The following GABRB3 variants were observed in gnomAD, a reference collection of about 807,000 sequenced individuals.
GABRB3 encodes gamma-aminobutyric acid type A receptor subunit beta3.
GABRB3 carries 14 observed loss-of-function variants against 52.1 expected under a neutral mutation model. The observed-to-expected ratio is 0.27, with a 90% CI of 0.18 to 0.42. The LOEUF (loss-of-function observed/expected upper bound fraction) is 0.42. GABRB3 is among the 10% of genes least tolerant of loss of function. GABRB3 has a pLI of 1.00. For synonymous variants in GABRB3, 260 were observed against 232.3 expected (o/e 1.12, Z -1.08); for missense variants, 307 against 609.1 (o/e 0.50, Z 5.22).
chr15:26,734,327 G>A (rs562880771), intron 3 of GABRB3, among the ~76,000 whole-genome samples: 103 of 151,816 alleles, frequency 6.8e-4, no homozygotes, highest in African/African-American at 2.4e-3. Context: ...CACCATACCT[G>A]GACAAAACTA....
At chr15:26,620,097 G>A (rs1347695644) in intron 4 of GABRB3, among the ~76,000 whole-genome samples, 1 of 152,130 alleles carries the variant, frequency 6.6e-6, no homozygotes, top group African/African-American at 2.4e-5. Context: ...GCACTTATCA[G>A]AACCTGAACC....
chr15:26,620,780 G>C (rs1340238311), intron 4 of GABRB3, among the ~76,000 whole-genome samples: 1 of 136,586 alleles, frequency 7.3e-6, no homozygotes, highest in Admixed American at 7.4e-5. Flanking sequence ...AAGGCAGCCT[G>C]GTTTCCTGAT....
chr15:26,649,628 C>G (rs1887131172), intron 3 of GABRB3, among the ~76,000 whole-genome samples: 1 of 143,032 alleles, frequency 7.0e-6, no homozygotes, highest in Non-Finnish European at 1.5e-5. Context: ...ATGTGCTGAG[C>G]CCATAGAAGA....
intron 3 of GABRB3, among the ~76,000 whole-genome samples, chr15:26,752,089 T>C (rs944461696): frequency 3.9e-5 from 6 of 152,152 alleles, no homozygotes; most frequent in Non-Finnish European, 8.8e-5. Context: ...AGCCTCCTCA[T>C]GCACACCTTC....
chr15:26,695,276 A>G (rs1222895542), intron 3 of GABRB3, among the ~76,000 whole-genome samples: 2 of 152,188 alleles, frequency 1.3e-5, no homozygotes, highest in African/African-American at 4.8e-5. Flanking sequence ...GTCAGAAGGA[A>G]AAAACACGTT....
chr15:26,605,396 G>A (rs762973172), intron 4 of GABRB3, among the ~76,000 whole-genome samples: 23 of 152,124 alleles, frequency 1.5e-4, no homozygotes, highest in Non-Finnish European at 2.8e-4. Flanking sequence ...TATGATCCAG[G>A]AATCCCACTG....
chr15:26,616,528 A>G lies in GABRB3; in HGVS notation c.461+4786T>C, dbSNP rs1378129102. Among the ~76,000 whole-genome samples, 3 of 152,122 alleles carry G rather than the reference A, an allele frequency of 2.0e-5. No individual in the cohort carries two copies. In the East Asian group the frequency reaches 5.8e-4, roughly 30 times the overall value. ...TCTTTATGACAGCTTATCCAGGTCC[A>G]TATAACTCTGAAGAAGTGTTTCAAA... On this transcript the variant is annotated intron_variant, in intron 4 of 8. Coordinates refer to ENST00000311550, the MANE Select transcript of GABRB3 (RefSeq NM_000814.6).
chr15:26,627,011 G>C (rs945294129), intron 3 of GABRB3, among the ~76,000 whole-genome samples: 2 of 152,190 alleles, frequency 1.3e-5, no homozygotes, highest in African/African-American at 4.8e-5. Context: ...ATGACAGGCT[G>C]ACTCTCTTGC....
chr15:26,589,388 G>C (rs554940951), intron 4 of GABRB3, among the ~76,000 whole-genome samples: 55 of 152,274 alleles, frequency 3.6e-4, no homozygotes, highest in African/African-American at 1.3e-3. Context: ...GCTGGATATG[G>C]TCAGAGTCTG....
intron 4 of GABRB3, chr15:26,615,238 G>C (rs949561381): frequency 1.2e-5 from 12 of 965,408 alleles, no homozygotes; most frequent in African/African-American, 1.8e-5. Context: ...AGGACCATTA[G>C]TCTCTTAGTC....
At chr15:26,635,010 A>ATATATATATATATATATATATATATATTT (rs10676156) in intron 3 of GABRB3, among the ~76,000 whole-genome samples, 1 of 74,882 alleles carries the variant, frequency 1.3e-5, no homozygotes, top group Non-Finnish European at 2.5e-5. Context: ...ATATATATAT[A>ATATATATATATATATATATATATATATTT]ATATATATAT....
At chr15:26,633,418 A>G (rs1308897620) in intron 3 of GABRB3, among the ~76,000 whole-genome samples, 1 of 151,974 alleles carries the variant, frequency 6.6e-6, no homozygotes, top group Non-Finnish European at 1.5e-5. Flanking sequence ...ACCCCATCCT[A>G]TAGTCAAGTG....
intron 3 of GABRB3, among the ~76,000 whole-genome samples, chr15:26,679,769 A>G (rs1888180480): frequency 6.6e-6 from 1 of 152,120 alleles, no homozygotes; most frequent in Non-Finnish European, 1.5e-5. Flanking sequence ...TCCCTGCATC[A>G]GATGAAATGC....
chr15:26,667,336 T>G (rs1887747969), intron 3 of GABRB3, among the ~76,000 whole-genome samples: 2 of 152,152 alleles, frequency 1.3e-5, no homozygotes, highest in East Asian at 3.9e-4. Context: ...TAGTAGGATC[T>G]GGGGGTGACA....
chr15:26,606,825 G>GATATATCTATCGATAGATATATCT (rs1891850569), intron 4 of GABRB3, among the ~76,000 whole-genome samples: 1 of 149,450 alleles, frequency 6.7e-6, no homozygotes, highest in East Asian at 2.1e-4. Context: ...TAGATAGATA[G>GATATATCTATCGATAGATATATCT]ATAGATAGAT....
At chr15:26,558,843 A>G (rs1889863111) in intron 8 of GABRB3, among the ~76,000 whole-genome samples, 1 of 151,306 alleles carries the variant, frequency 6.6e-6, no homozygotes, top group African/African-American at 2.4e-5. Context: ...CATCTCAAAA[A>G]AAAAAAAGAA....
At chr15:26,562,675 CTG>C (rs1890034117) in intron 7 of GABRB3, among the ~76,000 whole-genome samples, 1 of 152,182 alleles carries the variant, frequency 6.6e-6, no homozygotes, top group African/African-American at 2.4e-5. Context: ...TCCTCATCCT[CTG>C]TGTCCCACAG....
rs565449742 is a variant in GABRB3 at position 26,579,272 on chromosome 15, G to A, written c.682+1047C>T. 7.2e-5 allele frequency among the ~76,000 whole-genome samples: 11 copies of A among 152,322 alleles called. No homozygotes were observed. The East Asian group carries it at 1.5e-3, about 21-fold the overall frequency. Reference sequence around the variant, plus strand: ...GTGTGCCCTTGCAGATGCAGGCACCGTGAGCTGTGAGCAGAGCTGGAAGGT... The same window carrying A: ...GTGTGCCCTTGCAGATGCAGGCACCATGAGCTGTGAGCAGAGCTGGAAGGT... On this transcript the variant is annotated intron_variant, in intron 6 of 8. Coordinates refer to ENST00000311550, the MANE Select transcript of GABRB3 (RefSeq NM_000814.6).
intron 3 of GABRB3, among the ~76,000 whole-genome samples, chr15:26,670,666 A>C (rs1050189155): frequency 1.3e-5 from 2 of 152,136 alleles, no homozygotes; most frequent in Non-Finnish European, 2.9e-5. Flanking sequence ...ATTTGGGAGG[A>C]TGATACTACT....
Sources: gnomAD v4.1 joint callset for allele counts (sites outside exome capture counted in the v4.1 genomes callset) on GRCh38, gnomAD v4.1.1 for gene constraint, MANE v1.5 for transcripts, NCBI Gene and HGNC (gene_info 2026-07-23, HGNC 2026-07-21) for gene names.